SH3GL2: variants seen among roughly 807,000 people sequenced by gnomAD.
The protein encoded by SH3GL2 is SH3 domain containing GRB2 like 2, endophilin A1.
SH3GL2 carries 24 observed loss-of-function variants against 46.0 expected under a neutral mutation model. The observed-to-expected ratio is 0.52, with a 90% confidence interval of 0.38 to 0.73. The LOEUF (loss-of-function observed/expected upper bound fraction) is 0.73, where lower values mean the gene tolerates loss of function less well. Ranked by LOEUF, SH3GL2 falls within the 30% of genes least tolerant of loss-of-function variation. The pLI is 0.00. For synonymous variants in SH3GL2, 196 were observed against 147.1 expected (o/e 1.33, Z -2.40); for missense variants, 413 against 424.2 (o/e 0.97, Z 0.23).
intron 1 of SH3GL2, among the ~76,000 whole-genome samples, chr9:17,707,484 C>T (rs545114596): frequency 6.6e-6 from 1 of 152,024 alleles, no homozygotes; most frequent in Non-Finnish European, 1.5e-5. Flanking sequence ...ATGTCACCTT[C>T]TAGCATTCTC....
intron 1 of SH3GL2, among the ~76,000 whole-genome samples, chr9:17,720,208 A>G (rs1228380020): frequency 6.6e-6 from 1 of 152,168 alleles, no homozygotes; most frequent in Non-Finnish European, 1.5e-5. Context: ...CCAAAAGAGA[A>G]TTAACTGCAT....
chr9:17,670,711 A>G (rs1038639132), intron 1 of SH3GL2, among the ~76,000 whole-genome samples: 1 of 152,208 alleles, frequency 6.6e-6, no homozygotes, highest in Middle Eastern at 3.2e-3. Flanking sequence ...ATTTGCTTGC[A>G]CCTTTTCTGA....
At chr9:17,783,267 T>C (rs1428423441) in intron 3 of SH3GL2, among the ~76,000 whole-genome samples, 1 of 152,028 alleles carries the variant, frequency 6.6e-6, no homozygotes. Context: ...TAATGGACTC[T>C]GCTGTTTTCC....
intron 1 of SH3GL2, among the ~76,000 whole-genome samples, chr9:17,633,181 C>T (rs1234272589): frequency 6.6e-6 from 1 of 152,132 alleles, no homozygotes; most frequent in Admixed American, 6.5e-5. Context: ...ACTGGGCAAT[C>T]TGGGAAGGGA....
chr9:17,721,640 G>T (rs953019769), intron 1 of SH3GL2, among the ~76,000 whole-genome samples: 1 of 151,570 alleles, frequency 6.6e-6, no homozygotes. Flanking sequence ...TATTTTTATG[G>T]GCAGCTATCT....
chr9:17,768,714 G>T (rs150245845), intron 3 of SH3GL2, among the ~76,000 whole-genome samples: 1 of 152,000 alleles, frequency 6.6e-6, no homozygotes, highest in Non-Finnish European at 1.5e-5. Flanking sequence ...CCCCTTCTTC[G>T]ACAACTGTCT....
intron 1 of SH3GL2, among the ~76,000 whole-genome samples, chr9:17,665,977 C>T (rs1041813175): frequency 2.7e-5 from 4 of 150,632 alleles, no homozygotes; most frequent in Admixed American, 1.3e-4. Context: ...CAGTAGTCCT[C>T]CTTTCCATAT....
At chr9:17,714,279 A>C (rs912369411) in intron 1 of SH3GL2, among the ~76,000 whole-genome samples, 1 of 151,700 alleles carries the variant, frequency 6.6e-6, no homozygotes, top group Non-Finnish European at 1.5e-5. Flanking sequence ...GTAGTAAGCA[A>C]ATATCGTTGG....
intron 1 of SH3GL2, among the ~76,000 whole-genome samples, chr9:17,673,698 A>C: frequency 6.6e-6 from 1 of 152,194 alleles, no homozygotes; most frequent in African/African-American, 2.4e-5. Flanking sequence ...ACAGCAATTC[A>C]GAACTGCTTT....
At chr9:17,596,583 C>G (rs1253639631) in intron 1 of SH3GL2, among the ~76,000 whole-genome samples, 1 of 151,766 alleles carries the variant, frequency 6.6e-6, no homozygotes, top group Non-Finnish European at 1.5e-5. Flanking sequence ...GCCATTCTAG[C>G]AAAAAAAGAA....
intron 1 of SH3GL2, among the ~76,000 whole-genome samples, chr9:17,644,508 G>T (rs1330918426): frequency 2.0e-5 from 3 of 152,122 alleles, no homozygotes. Flanking sequence ...CTGTGTCCCA[G>T]AGATTCTGGT....
Position 17,795,761 on chromosome 9 carries a change from C to A in SH3GL2, c.*18C>A. 6.3e-7 allele frequency: 1 copy of A among 1,597,318 alleles called. No individual in the cohort carries two copies. The highest frequency in any genetic ancestry group is 1.1e-5 in the South Asian group (1 of 90,066). On this transcript the variant is annotated 3_prime_UTR_variant, in exon 9 of 9. Coordinates refer to ENST00000380607, the MANE Select transcript of SH3GL2 (RefSeq NM_003026.5). Reference sequence around the variant, plus strand: ...CCCATTAGGATGTTATGCTGGCTGGCTCGCCTCCTCTTGACCCAGATAGTT... The same window carrying A: ...CCCATTAGGATGTTATGCTGGCTGGATCGCCTCCTCTTGACCCAGATAGTT...
chr9:17,770,453 A>T (rs1034356845), intron 3 of SH3GL2, among the ~76,000 whole-genome samples: 7 of 152,180 alleles, frequency 4.6e-5, no homozygotes, highest in African/African-American at 7.2e-5. Context: ...AAGTGTGGCA[A>T]GTGTACTCTA....
At chr9:17,697,218 A>C (rs1403078610) in intron 1 of SH3GL2, among the ~76,000 whole-genome samples, 1 of 151,112 alleles carries the variant, frequency 6.6e-6, no homozygotes, top group African/African-American at 2.4e-5. Context: ...CATGAGCTCA[A>C]ATGCATTTCT....
At chr9:17,750,837 C>T (rs1822820357) in intron 2 of SH3GL2, among the ~76,000 whole-genome samples, 1 of 152,184 alleles carries the variant, frequency 6.6e-6, no homozygotes, top group Non-Finnish European at 1.5e-5. Context: ...CATGTTAAGG[C>T]AGTATCCCTG....
At chr9:17,679,943 A>G (rs1260241553) in intron 1 of SH3GL2, among the ~76,000 whole-genome samples, 2 of 151,994 alleles carry the variant, frequency 1.3e-5, no homozygotes, top group Admixed American at 6.6e-5. Flanking sequence ...ATTGATTTGC[A>G]TATGTTGAAC....
intron 1 of SH3GL2, among the ~76,000 whole-genome samples, chr9:17,605,096 C>T (rs568704478): frequency 6.6e-6 from 1 of 151,818 alleles, no homozygotes; most frequent in Non-Finnish European, 1.5e-5. Flanking sequence ...CCTTAGCCTC[C>T]CGAGTAGCTG....
At chr9:17,759,294 G>A (rs1823100687) in intron 2 of SH3GL2, among the ~76,000 whole-genome samples, 2 of 152,176 alleles carry the variant, frequency 1.3e-5, no homozygotes, top group African/African-American at 4.8e-5. Flanking sequence ...CACAGACTTT[G>A]AGAAGTTTCA....
At chr9:17,628,725 G>A (rs1040573082) in intron 1 of SH3GL2, among the ~76,000 whole-genome samples, 1 of 151,696 alleles carries the variant, frequency 6.6e-6, no homozygotes, top group Non-Finnish European at 1.5e-5. Context: ...TTTTTTTCTA[G>A]CTCAAGGGAG....
Sources: gnomAD v4.1 joint callset for allele counts (sites outside exome capture counted in the v4.1 genomes callset) on GRCh38, gnomAD v4.1.1 for gene constraint, MANE v1.5 for transcripts, NCBI Gene and HGNC (gene_info 2026-07-23, HGNC 2026-07-21) for gene names.